Variants in GLI3 observed in about 807,000 individuals in gnomAD.
GLI3 encodes GLI family zinc finger 3.
GLI3 carries 20 observed loss-of-function variants against 100.8 expected under a neutral mutation model. The observed-to-expected ratio is 0.20, with a 90% CI of 0.14 to 0.29. GLI3 has a LOEUF of 0.29. GLI3 is among the 10% of genes least tolerant of loss of function. The pLI is 1.00. For missense variants in GLI3, 2,040 were observed against 2,128.5 expected (o/e 0.96, Z 0.82); for synonymous variants, 938 against 860.5 (o/e 1.09, Z -1.58).
In GLI3 at chr7:42,230,326, T is replaced by C. The variant is rs114381843; in HGVS notation, c.-43+6645A>G. On this transcript the variant is annotated intron_variant, in intron 1 of 14. Coordinates refer to ENST00000395925, the MANE Select transcript of GLI3 (RefSeq NM_000168.6). ...CACTGCCTAGTGTCTTCAATCTTTC[T>C]TTCCTACATTTCTGATGCTCCTAAT... Among the ~76,000 whole-genome samples, 1,112 of 152,330 alleles carry C rather than the reference T, an allele frequency of 7.3e-3. 13 individuals carry two copies. The highest frequency in any genetic ancestry group is 0.025 in the African/African-American group (1,059 of 41,584).
At chr7:42,159,782 T>C (rs1787089269) in intron 2 of GLI3, among the ~76,000 whole-genome samples, 1 of 152,192 alleles carries the variant, frequency 6.6e-6, no homozygotes, top group South Asian at 2.1e-4. Flanking sequence ...CTAAAATCAT[T>C]TCATTCAACC....
At chr7:42,043,882 T>TACA (rs1784192284) in intron 6 of GLI3, among the ~76,000 whole-genome samples, 1 of 152,232 alleles carries the variant, frequency 6.6e-6, no homozygotes, top group African/African-American at 2.4e-5. Context: ...ACACAACTTT[T>TACA]TTTTCAACAA....
At chr7:42,092,807 TTATTTATGTATTTATGTATTTATA>T (rs1583550572) in intron 3 of GLI3, among the ~76,000 whole-genome samples, 2 of 138,682 alleles carry the variant, frequency 1.4e-5, no homozygotes, top group East Asian at 3.9e-4. Flanking sequence ...ATTTATTTAT[TTATTTATGTATTTATGTATTTATA>T]GAGACGGAGT....
intron 1 of GLI3, among the ~76,000 whole-genome samples, chr7:42,229,009 T>A (rs891735673): frequency 2.0e-5 from 3 of 152,154 alleles, no homozygotes; most frequent in African/African-American, 7.2e-5. Context: ...CTAACCCCCA[T>A]GGGAGCAGGA....
intron 1 of GLI3, among the ~76,000 whole-genome samples, chr7:42,225,870 T>A (rs193079447): frequency 1.9e-3 from 282 of 152,314 alleles, no homozygotes; most frequent in Non-Finnish European, 3.1e-3. Context: ...CTTTCCAGGC[T>A]GTATGCTCCA....
chr7:42,040,313 A>G, intron 6 of GLI3, 74 bp from the exon 7 acceptor site: 2 of 1,120,158 alleles, frequency 1.8e-6, no homozygotes, highest in South Asian at 2.5e-5. Flanking sequence ...CTACTTGCCT[A>G]CGTGGAAGAA....
At chr7:42,222,806 A>G in intron 2 of GLI3, 1 of 342,634 alleles carries the variant, frequency 2.9e-6, no homozygotes, top group Non-Finnish European at 5.7e-6. Flanking sequence ...GATGATCCAT[A>G]TGCAACACAA....
chr7:42,119,763 C>T (rs1785949708), intron 3 of GLI3, among the ~76,000 whole-genome samples: 1 of 152,206 alleles, frequency 6.6e-6, no homozygotes, highest in Admixed American at 6.5e-5. Context: ...TTCTAAACAA[C>T]ATTCCACAGT....
chr7:42,006,227 G>A (rs1443550089), intron 10 of GLI3, among the ~76,000 whole-genome samples: 1 of 151,536 alleles, frequency 6.6e-6, no homozygotes, highest in East Asian at 1.9e-4. Flanking sequence ...GGCTCCAATG[G>A]GGCACAGGCT....
chr7:42,131,029 G>A (rs1278160112), intron 3 of GLI3, among the ~76,000 whole-genome samples: 1 of 152,110 alleles, frequency 6.6e-6, no homozygotes. Flanking sequence ...TACACCATCA[G>A]GAAAGAGCAA....
At chr7:42,118,881 GAACTCTTTCA>G (rs1271770460) in intron 3 of GLI3, among the ~76,000 whole-genome samples, 3 of 152,180 alleles carry the variant, frequency 2.0e-5, no homozygotes, top group Non-Finnish European at 2.9e-5. Context: ...AAAGAGAAAC[GAACTCTTTCA>G]AACTCTTTCA....
rs141830675 is a variant in GLI3, at chr7:42,198,906, A to T, written c.124+24224T>A. 3.0e-3 allele frequency among the ~76,000 whole-genome samples: 457 copies of T among 150,002 alleles called. 9 individuals carry two copies. The East Asian group carries it at 0.045, about 15-fold the overall frequency. On this transcript the variant is annotated intron_variant, in intron 2 of 14. Coordinates refer to ENST00000395925, the MANE Select transcript of GLI3 (RefSeq NM_000168.6). ...GTGTCAAAAACACATAACTTAAAAT[A>T]CTCAAACTCTAAGAAAAAGTTTCTT... is the stretch of plus-strand genomic sequence containing the variant.
At chr7:42,053,179 T>C (rs932305552) in intron 4 of GLI3, among the ~76,000 whole-genome samples, 1 of 152,162 alleles carries the variant, frequency 6.6e-6, no homozygotes, top group African/African-American at 2.4e-5. Context: ...GTCTTTTTAG[T>C]AGAGACAAGG....
At chr7:42,006,152 G>C (rs1423141384) in intron 10 of GLI3, among the ~76,000 whole-genome samples, 2 of 152,174 alleles carry the variant, frequency 1.3e-5, no homozygotes, top group African/African-American at 4.8e-5. Context: ...AAAAGTATAA[G>C]GGATACCCGA....
At chr7:42,034,577 C>A (rs1789384170) in intron 7 of GLI3, among the ~76,000 whole-genome samples, 1 of 152,108 alleles carries the variant, frequency 6.6e-6, no homozygotes, top group Non-Finnish European at 1.5e-5. Flanking sequence ...GTTTAACTGT[C>A]ATCTGCTGAC....
intron 2 of GLI3, among the ~76,000 whole-genome samples, chr7:42,199,298 A>G (rs929834657): frequency 3.3e-5 from 5 of 152,238 alleles, no homozygotes; most frequent in African/African-American, 1.2e-4. Flanking sequence ...TTGTTGATCC[A>G]CAGACATTAG....
chr7:42,129,652 T>C (rs1052886629), intron 3 of GLI3, among the ~76,000 whole-genome samples: 7 of 151,758 alleles, frequency 4.6e-5, no homozygotes, highest in Admixed American at 1.3e-4. Flanking sequence ...CTACCAAAAA[T>C]ACAAAAAAAT....
At chr7:42,243,402 T>C (rs1053993413) in intron 1 of GLI3, among the ~76,000 whole-genome samples, 4 of 152,200 alleles carry the variant, frequency 2.6e-5, no homozygotes, top group African/African-American at 7.2e-5. Flanking sequence ...TAGCATACAG[T>C]TCTGCTTTTT....
intron 10 of GLI3, among the ~76,000 whole-genome samples, chr7:41,995,282 T>C (rs959728270): frequency 1.3e-5 from 2 of 152,188 alleles, no homozygotes; most frequent in African/African-American, 2.4e-5. Context: ...CCATCCGTCA[T>C]AGATGTGGGA....
Sources: allele counts gnomAD v4.1 joint callset (sites outside exome capture counted in the v4.1 genomes callset), GRCh38; gene constraint gnomAD v4.1.1; transcripts MANE v1.5; gene names NCBI Gene and HGNC (gene_info 2026-07-23, HGNC 2026-07-21).